The following AGBL1 variants were observed in gnomAD, a reference collection of about 807,000 sequenced individuals.
AGBL1 encodes cytosolic carboxypeptidase 4.
AGBL1 carries 130 observed loss-of-function variants against 118.9 expected under a neutral mutation model. That is an observed-to-expected ratio of 1.09 (90% confidence interval 0.95 to 1.26). The LOEUF (loss-of-function observed/expected upper bound fraction) is 1.26. AGBL1 is among the 50% of genes most tolerant of loss of function. The pLI is 0.00. For missense variants in AGBL1, 1,584 were observed against 1,298.1 expected (o/e 1.22, Z -3.38); for synonymous variants, 555 against 478.9 (o/e 1.16, Z -2.08).
intron 18 of AGBL1, among the ~76,000 whole-genome samples, chr15:86,442,861 G>C (rs1330087157): frequency 1.3e-5 from 2 of 152,224 alleles, no homozygotes; most frequent in South Asian, 2.1e-4. Context: ...AGATGTGACT[G>C]TCTCTAGAAC....
chr15:86,890,654 C>A (rs2080040410), intron 22 of AGBL1, among the ~76,000 whole-genome samples: 1 of 151,986 alleles, frequency 6.6e-6, no homozygotes, highest in South Asian at 2.1e-4. Context: ...GAATTCTTTC[C>A]CTATTGCTTA....
chr15:86,157,890 G>C (rs889999505), intron 4 of AGBL1, among the ~76,000 whole-genome samples: 1 of 152,110 alleles, frequency 6.6e-6, no homozygotes, highest in East Asian at 1.9e-4. Flanking sequence ...ACTCAGTGAG[G>C]ATTTCTTATT....
intron 17 of AGBL1, among the ~76,000 whole-genome samples, chr15:86,340,350 A>G (rs1205302658): frequency 6.6e-6 from 1 of 151,338 alleles, no homozygotes; most frequent in African/African-American, 2.4e-5. Context: ...ATTTGAAAAT[A>G]GGGGCTTTGC....
At chr15:86,520,587 G>A (rs888865039) in intron 18 of AGBL1, among the ~76,000 whole-genome samples, 1 of 152,198 alleles carries the variant, frequency 6.6e-6, no homozygotes, top group Admixed American at 6.5e-5. Flanking sequence ...ATGGAGCATA[G>A]GGAAAGAAGA....
intron 23 of AGBL1, among the ~76,000 whole-genome samples, chr15:86,923,061 C>G (rs1373246890): frequency 6.6e-6 from 1 of 152,118 alleles, no homozygotes; most frequent in Non-Finnish European, 1.5e-5. Flanking sequence ...GTATCCGGCC[C>G]GAGGGATGGT....
intron 1 of AGBL1, among the ~76,000 whole-genome samples, chr15:86,113,257 C>CTTTTCTTTTT (rs150495748): frequency 7.5e-5 from 3 of 39,776 alleles, no homozygotes; most frequent in Admixed American, 2.4e-4. Context: ...CTTTTCTTTT[C>CTTTTCTTTTT]TTTCTTTCTT....
At chr15:86,438,379 T>A (rs2142049908) in intron 18 of AGBL1, among the ~76,000 whole-genome samples, 1 of 152,346 alleles carries the variant, frequency 6.6e-6, no homozygotes, top group Non-Finnish European at 1.5e-5. Flanking sequence ...CAGATTGGAA[T>A]ACTCTCTTTC....
intron 22 of AGBL1, among the ~76,000 whole-genome samples, chr15:86,748,195 A>G (rs1054280039): frequency 6.6e-6 from 1 of 152,044 alleles, no homozygotes; most frequent in Non-Finnish European, 1.5e-5. Flanking sequence ...ATGGTATCTC[A>G]TTGTGATTTT....
Position 86,602,806 on chromosome 15 carries a change from G to A in AGBL1, c.2994+48269G>A, listed in dbSNP as rs554069655. Among the ~76,000 whole-genome samples the A allele has an allele frequency of 1.4e-4, 22 of 152,288 alleles. 1 individual carries two copies. The highest frequency in any genetic ancestry group is 4.8e-4 in the African/African-American group (20 of 41,560). ...TTAGCAGAAAAAAATAAGGCTTGGA[G>A]GGAAGAGAGACTTCAGCTATGGCTT... On this transcript the variant is annotated intron_variant, in intron 21 of 22. Coordinates refer to ENST00000614907, the MANE Select transcript of AGBL1 (RefSeq NM_001386094.1).
rs552457751 is a variant in AGBL1 at position 86,185,092 on chromosome 15, G to A, written c.488+26066G>A. ...AAAACAACCCCATCAAAAAGTGGGC[G>A]AAGGATATGAACAGACACTTCTCAA... On this transcript the variant is annotated intron_variant, in intron 5 of 22. Transcript: ENST00000614907. Among the ~76,000 whole-genome samples the A allele has an allele frequency of 3.9e-4, 60 of 152,162 alleles. 1 individual carries two copies. The highest frequency in any genetic ancestry group is 1.0e-3 in the South Asian group (5 of 4,808).
intron 21 of AGBL1, among the ~76,000 whole-genome samples, chr15:86,618,618 T>G (rs2084762631): frequency 6.6e-6 from 1 of 152,212 alleles, no homozygotes; most frequent in Non-Finnish European, 1.5e-5. Context: ...TTATGTCACA[T>G]GTATAGTGCT....
At chr15:86,825,641 GGAAA>G (rs892643600) in intron 22 of AGBL1, among the ~76,000 whole-genome samples, 4 of 136,826 alleles carry the variant, frequency 2.9e-5, no homozygotes, top group Non-Finnish European at 6.2e-5. Context: ...AAGGAAGGAA[GGAAA>G]GAAAGGAAGG....
intron 5 of AGBL1, among the ~76,000 whole-genome samples, chr15:86,213,582 A>G (rs2078136734): frequency 6.6e-6 from 1 of 152,092 alleles, no homozygotes; most frequent in African/African-American, 2.4e-5. Context: ...GGTCTCAGTG[A>G]TCGCTGGTGA....
chr15:86,252,830 G>A (rs540541712), intron 7 of AGBL1, among the ~76,000 whole-genome samples: 1 of 152,364 alleles, frequency 6.6e-6, no homozygotes, highest in Admixed American at 6.5e-5. Context: ...TGACAATCCA[G>A]AAGATATCAA....
At chr15:86,408,531 A>G (rs1209670473) in intron 18 of AGBL1, among the ~76,000 whole-genome samples, 1 of 152,218 alleles carries the variant, frequency 6.6e-6, no homozygotes, top group East Asian at 1.9e-4. Context: ...ATCATGTTTA[A>G]TTCCTGAGTT....
chr15:86,999,824 C>A (rs2081417962), intron 24 of AGBL1, among the ~76,000 whole-genome samples: 1 of 134,062 alleles, frequency 7.5e-6, no homozygotes, highest in Non-Finnish European at 1.6e-5. Flanking sequence ...AATGGTTGAA[C>A]TAGTTTACAG....
At chr15:87,029,044 C>T (rs1300398086) in exon 25 of AGBL1, 1 of 529,134 alleles carries the variant, frequency 1.9e-6, no homozygotes, top group African/African-American at 1.9e-5. Context: ...AAAATAGACT[C>T]CACCTATTTG....
chr15:86,376,725 G>A (rs1044046707), intron 17 of AGBL1, among the ~76,000 whole-genome samples: 1 of 152,192 alleles, frequency 6.6e-6, no homozygotes, highest in Non-Finnish European at 1.5e-5. Context: ...GCTAGGGCTA[G>A]AGCATGGCTC....
At chr15:86,133,464 G>A (rs1352941330) in intron 1 of AGBL1, among the ~76,000 whole-genome samples, 2 of 152,150 alleles carry the variant, frequency 1.3e-5, no homozygotes, top group Non-Finnish European at 2.9e-5. Flanking sequence ...TTTTATATCT[G>A]GGTGACTCTG....
Sources: allele counts gnomAD v4.1 joint callset (sites outside exome capture counted in the v4.1 genomes callset), GRCh38; gene constraint gnomAD v4.1.1; transcripts MANE v1.5; gene names NCBI Gene and HGNC (gene_info 2026-07-23, HGNC 2026-07-21).